Variants in GABRA2 observed in about 807,000 individuals in gnomAD.
GABRA2 encodes the protein gamma-aminobutyric acid receptor subunit alpha-2.
A neutral mutation model predicts 48.7 loss-of-function variants in GABRA2; 16 were observed. That is an observed-to-expected ratio of 0.33 (90% CI 0.22 to 0.50). The LOEUF is 0.50. GABRA2 is among the 20% of genes least tolerant of loss of function. The pLI is 0.98. For synonymous variants in GABRA2, 185 were observed against 184.5 expected (o/e 1.00, Z -0.02); for missense variants, 275 against 535.6 (o/e 0.51, Z 4.80).
chr4:46,371,711 G>C (rs1029743394), intron 3 of GABRA2, among the ~76,000 whole-genome samples: 1 of 151,930 alleles, frequency 6.6e-6, no homozygotes, highest in African/African-American at 2.4e-5. Flanking sequence ...TTATATTTAC[G>C]AACAATTTTG....
chr4:46,262,532 A>G (rs893823482), intron 8 of GABRA2, among the ~76,000 whole-genome samples: 10 of 152,134 alleles, frequency 6.6e-5, no homozygotes, highest in South Asian at 2.1e-4. Context: ...TAATTTGTTC[A>G]TCATTTATTT....
Position 46,246,863 on chromosome 4 carries a change from G to C in GABRA2, c.*3445C>G, listed in dbSNP as rs1316952826. Among the ~76,000 whole-genome samples the C allele has an allele frequency of 2.0e-5, 3 of 151,086 alleles. No individual in the cohort carries two copies. The highest frequency in any genetic ancestry group is 4.8e-5 in the African/African-American group (2 of 41,314). On this transcript the variant is annotated 3_prime_UTR_variant, in exon 10 of 10. Transcript: ENST00000381620. ...CATGATAATGCAGAAGGTGACTTGA[G>C]CTACTTCCTTTCTTCTTTCATTGGA...
chr4:46,339,388 C>G (rs1427066445), intron 3 of GABRA2, among the ~76,000 whole-genome samples: 1 of 151,670 alleles, frequency 6.6e-6, no homozygotes. Flanking sequence ...AAGTTAAGTT[C>G]CATGAAGACT....
intron 8 of GABRA2, among the ~76,000 whole-genome samples, chr4:46,274,024 G>T (rs945868528): frequency 6.6e-6 from 1 of 152,086 alleles, no homozygotes; most frequent in African/African-American, 2.4e-5. Context: ...GGGGGCAGAA[G>T]AATGTAGTCT....
At chr4:46,255,971 A>G (rs1458603571) in intron 9 of GABRA2, among the ~76,000 whole-genome samples, 1 of 151,562 alleles carries the variant, frequency 6.6e-6, no homozygotes, top group Admixed American at 6.6e-5. Flanking sequence ...TACAGTAAAG[A>G]AATGGGGCTC....
chr4:46,265,870 T>C (rs1399476578), intron 8 of GABRA2, among the ~76,000 whole-genome samples: 2 of 152,084 alleles, frequency 1.3e-5, no homozygotes, highest in East Asian at 3.9e-4. Context: ...CATACGTTAT[T>C]TTTTGTTTCC....
chr4:46,338,422 C>T (rs192912226), intron 3 of GABRA2, among the ~76,000 whole-genome samples: 1 of 152,000 alleles, frequency 6.6e-6, no homozygotes, highest in East Asian at 1.9e-4. Flanking sequence ...CCTCTTTTAT[C>T]CTACTCTTAC....
In GABRA2 at chr4:46,389,130, A is replaced by G. The variant is rs201144449; in HGVS notation, c.-10-414T>C. On this transcript the variant is annotated intron_variant, in intron 1 of 9. Coordinates refer to ENST00000381620, the MANE Select transcript of GABRA2 (RefSeq NM_000807.4). ...GGGAGGAAAGGAGAGGAGAGGAGAG[A>G]TGGGTACTTCACGCCACAACCCCCT... is the stretch of plus-strand genomic sequence containing the variant. 37 of 996,028 alleles carry G rather than the reference A, an allele frequency of 3.7e-5. 1 individual carries two copies. In the South Asian group the frequency reaches 6.7e-4, roughly 18 times the overall value. The allele number at this position is 996,028 out of a possible 1,614,324, so 61.7% of individuals were successfully genotyped here. A position where few individuals can be genotyped will look rare whatever the true frequency, so the allele number is the denominator to read the frequency against.
intron 3 of GABRA2, among the ~76,000 whole-genome samples, chr4:46,344,216 A>C (rs1189606385): frequency 6.6e-6 from 1 of 152,020 alleles, no homozygotes; most frequent in Non-Finnish European, 1.5e-5. Context: ...TAGTGACTAA[A>C]AGTAGAGGAG....
chr4:46,316,473 G>A (rs879403327), intron 4 of GABRA2, among the ~76,000 whole-genome samples: 7 of 152,014 alleles, frequency 4.6e-5, no homozygotes, highest in Admixed American at 1.3e-4. Flanking sequence ...CCCATGGGCT[G>A]TAGTATGCTG....
chr4:46,247,442 G>A lies in GABRA2; in HGVS notation c.*2866C>T, dbSNP rs1459235587. On this transcript the variant is annotated 3_prime_UTR_variant, in exon 10 of 10. Transcript: ENST00000381620. ...CAACTAAATTCAGTGGGTGTGACAT[G>A]AGTGATTTTAACACCAATTACAGGG... Among the ~76,000 whole-genome samples, 1 of 151,150 alleles carries A rather than the reference G, an allele frequency of 6.6e-6. No individual in the cohort carries two copies. Among genetic ancestry groups the A allele is most frequent in the Admixed American group, 6.6e-5 (1 of 15,092 alleles).
chr4:46,258,682 AG>A (rs960043993), intron 9 of GABRA2, among the ~76,000 whole-genome samples: 2 of 151,842 alleles, frequency 1.3e-5, no homozygotes, highest in African/African-American at 4.8e-5. Flanking sequence ...ATGTGAGGGA[AG>A]AAAGCAGATA....
At chr4:46,283,142 AATTT>A (rs1193243043) in intron 8 of GABRA2, among the ~76,000 whole-genome samples, 2 of 152,138 alleles carry the variant, frequency 1.3e-5, no homozygotes, top group African/African-American at 4.8e-5. Context: ...TAGAAAACTG[AATTT>A]ATTTAAGAAT....
intron 8 of GABRA2, among the ~76,000 whole-genome samples, chr4:46,278,690 T>A (rs2109449182): frequency 6.6e-6 from 1 of 152,250 alleles, no homozygotes; most frequent in Non-Finnish European, 1.5e-5. Flanking sequence ...ATAATGAGTA[T>A]GTGAGCCCAT....
intron 3 of GABRA2, among the ~76,000 whole-genome samples, chr4:46,359,446 C>A (rs948095879): frequency 1.3e-5 from 2 of 152,066 alleles, no homozygotes; most frequent in African/African-American, 4.8e-5. Context: ...ACTGTCAAGC[C>A]TAAGACGATG....
Position 46,303,588 on chromosome 4 carries a change from T to C in GABRA2, c.728A>G (p.His243Arg). 6.2e-7 allele frequency: 1 copy of C among 1,613,680 alleles called. No homozygotes were observed. The highest frequency in any genetic ancestry group is 8.5e-7 in the Non-Finnish European group (1 of 1,179,622). ...STGEYTVMTA[H>R]FHLKRKIGYF... ...CCCAATTTTTCTTTTCAGGTGGAAA[T>C]GAGCTGTCATTACAGTATATTCACC... is the stretch of plus-strand genomic sequence containing the variant. The change falls in exon 8 of 10, where the codon CAT becomes CGT. Residue 243 changes from histidine (H) to arginine (R), a missense_variant. Around this residue, in one of 4 missense-constraint regions of GABRA2, gnomAD observed 113 missense variants for 257.1 expected, o/e 0.44. Coordinates refer to ENST00000381620, the MANE Select transcript of GABRA2 (RefSeq NM_000807.4).
At chr4:46,323,940 A>G (rs543751710) in intron 4 of GABRA2, among the ~76,000 whole-genome samples, 3 of 152,142 alleles carry the variant, frequency 2.0e-5, no homozygotes, top group East Asian at 3.9e-4. Flanking sequence ...GTTGTTAAAT[A>G]TAATGACATG....
rs1353937831 is a variant in GABRA2, at chr4:46,377,424, G to A, written c.187+8650C>T. 6.0e-5 allele frequency among the ~76,000 whole-genome samples: 9 copies of A among 150,260 alleles called. No homozygotes were observed. In the South Asian group the frequency reaches 8.5e-4, roughly 14 times the overall value. On this transcript the variant is annotated intron_variant, in intron 3 of 9. Coordinates refer to ENST00000381620, the MANE Select transcript of GABRA2 (RefSeq NM_000807.4). ...ATGTGAGGAGCGTCTCTGCCCAGCC[G>A]CCCCGTCTGAGAAGTGAGGAGACCC...
At chr4:46,257,922 G>GT (rs1475024977) in intron 9 of GABRA2, among the ~76,000 whole-genome samples, 1 of 151,736 alleles carries the variant, frequency 6.6e-6, no homozygotes, top group Non-Finnish European at 1.5e-5. Context: ...ATTAACTGAA[G>GT]TATCAATTAG....
Sources: gnomAD v4.1 joint callset for allele counts (sites outside exome capture counted in the v4.1 genomes callset) on GRCh38, gnomAD v4.1.1 for gene constraint, gnomAD v4.1.1 regional missense constraint, MANE v1.5 for transcripts, NCBI Gene and HGNC (gene_info 2026-07-23, HGNC 2026-07-21) for gene names.